The following LRP1B variants were observed in gnomAD, a reference collection of about 807,000 sequenced individuals.
LRP1B encodes the protein LDL receptor related protein 1B, also known as low-density lipoprotein receptor-related protein 1B.
A neutral mutation model predicts 556.6 loss-of-function variants in LRP1B; 217 were observed. The observed-to-expected ratio is 0.39, with a 90% CI of 0.35 to 0.44. The LOEUF (loss-of-function observed/expected upper bound fraction) is 0.44. Ranked by LOEUF, LRP1B falls within the 20% of genes least tolerant of loss-of-function variation. LRP1B has a pLI of 1.00. For synonymous variants in LRP1B, 2,047 were observed against 1,865.8 expected (o/e 1.10, Z -2.50); for missense variants, 5,053 against 5,620.8 (o/e 0.90, Z 3.23).
chr2:140,270,544 TCTG>T (rs1351859152), intron 85 of LRP1B, among the ~76,000 whole-genome samples, 198 bp from the exon 86 acceptor site: 4 of 151,910 alleles, frequency 2.6e-5, no homozygotes, highest in Non-Finnish European at 4.4e-5. Context: ...AAATTTTTCT[TCTG>T]ATAATTCTCA....
At chr2:141,299,285 G>A (rs1296969607) in intron 3 of LRP1B, among the ~76,000 whole-genome samples, 1 of 152,070 alleles carries the variant, frequency 6.6e-6, no homozygotes, top group Admixed American at 6.6e-5. Context: ...AACCTCTCAG[G>A]TTTCAATTTC....
intron 32 of LRP1B, among the ~76,000 whole-genome samples, chr2:140,788,948 G>T (rs543313691): frequency 5.7e-4 from 87 of 152,276 alleles, no homozygotes; most frequent in African/African-American, 1.9e-3. Context: ...ACAACAAAAA[G>T]GTGCCCATCT....
intron 1 of LRP1B, among the ~76,000 whole-genome samples, chr2:142,107,409 C>G (rs958533808): frequency 6.6e-6 from 1 of 152,040 alleles, no homozygotes; most frequent in Admixed American, 6.6e-5. Context: ...CCCTTCTGTC[C>G]TTTTTCTTTT....
intron 3 of LRP1B, among the ~76,000 whole-genome samples, chr2:141,388,111 A>C (rs952927688): frequency 3.9e-5 from 6 of 152,206 alleles, no homozygotes; most frequent in Non-Finnish European, 5.9e-5. Context: ...GATTGAGGAA[A>C]AGCACTTGTC....
At chr2:140,504,584 T>C (rs182831366) in intron 53 of LRP1B, among the ~76,000 whole-genome samples, 13 of 152,302 alleles carry the variant, frequency 8.5e-5, no homozygotes, top group Non-Finnish European at 1.5e-4. Context: ...ATTGTCTGAT[T>C]AACACCTCAT....
At chr2:141,848,967 A>C (rs1183506949) in intron 1 of LRP1B, among the ~76,000 whole-genome samples, 1 of 151,624 alleles carries the variant, frequency 6.6e-6, no homozygotes. Context: ...GATTATCATC[A>C]GATAAATTCT....
intron 1 of LRP1B, among the ~76,000 whole-genome samples, chr2:141,959,913 G>A (rs965217992): frequency 9.2e-5 from 14 of 151,936 alleles, no homozygotes; most frequent in Admixed American, 3.9e-4. Flanking sequence ...AAGACAGGTA[G>A]TCATCAACTA....
chr2:141,612,706 G>A (rs756778497), intron 2 of LRP1B, among the ~76,000 whole-genome samples: 3 of 152,216 alleles, frequency 2.0e-5, no homozygotes, highest in Non-Finnish European at 2.9e-5. Context: ...AACCACTGGA[G>A]AGTACTATAG....
intron 2 of LRP1B, among the ~76,000 whole-genome samples, chr2:141,681,123 C>A (rs1229648992): frequency 6.6e-6 from 1 of 151,964 alleles, no homozygotes; most frequent in Non-Finnish European, 1.5e-5. Flanking sequence ...GAAACCCTGT[C>A]TCAACAAAAA....
chr2:142,053,344 C>A (rs1704538967), intron 1 of LRP1B, among the ~76,000 whole-genome samples: 1 of 150,848 alleles, frequency 6.6e-6, no homozygotes, highest in Non-Finnish European at 1.5e-5. Flanking sequence ...TTCTTGTAGA[C>A]AGTCATTAGG....
At chr2:141,234,118 A>G (rs1415612008) in intron 5 of LRP1B, among the ~76,000 whole-genome samples, 4 of 152,134 alleles carry the variant, frequency 2.6e-5, no homozygotes, top group Non-Finnish European at 5.9e-5. Context: ...GTTGTAATCT[A>G]TACAACACAA....
intron 3 of LRP1B, among the ~76,000 whole-genome samples, chr2:141,477,755 C>T (rs1176146821): frequency 1.3e-5 from 2 of 151,920 alleles, no homozygotes; most frequent in African/African-American, 4.8e-5. Context: ...ATGTAGTGTG[C>T]AAGGCCAGAA....
chr2:141,678,801 A>G (rs1022085153), intron 2 of LRP1B, among the ~76,000 whole-genome samples: 3 of 152,180 alleles, frequency 2.0e-5, no homozygotes, highest in African/African-American at 7.2e-5. Context: ...GAAAAATGTG[A>G]CAGTGATACA....
At chr2:142,036,576 G>A (rs1703888895) in intron 1 of LRP1B, among the ~76,000 whole-genome samples, 1 of 151,436 alleles carries the variant, frequency 6.6e-6, no homozygotes, top group Non-Finnish European at 1.5e-5. Context: ...CATTATCTAA[G>A]AAAAATTTAG....
intron 25 of LRP1B, among the ~76,000 whole-genome samples, chr2:140,882,451 A>G (rs1693504046): frequency 6.6e-6 from 1 of 152,218 alleles, no homozygotes; most frequent in South Asian, 2.1e-4. Context: ...AACAGCTACT[A>G]CTCAGCTAGT....
intron 2 of LRP1B, among the ~76,000 whole-genome samples, chr2:141,609,941 A>C (rs1489175577): frequency 6.6e-6 from 1 of 152,272 alleles, no homozygotes; most frequent in Non-Finnish European, 1.5e-5. Flanking sequence ...ATAACAGTAC[A>C]GTACTAAAAT....
chr2:140,576,134 C>T (rs1383930633), intron 43 of LRP1B, among the ~76,000 whole-genome samples: 1 of 152,034 alleles, frequency 6.6e-6, no homozygotes, highest in Non-Finnish European at 1.5e-5. Context: ...GAAATGCTTC[C>T]ATCATATTAT....
chr2:140,247,216 AGTCAGCTAAT>A lies in LRP1B; in HGVS notation c.13248-64_13248-55del. The A allele has an allele frequency of 3.1e-6, 4 of 1,278,028 alleles. No individual in the cohort carries two copies. In the South Asian group the frequency reaches 3.6e-5, roughly 11 times the overall value. The allele number at this position is 1,278,028 out of a possible 1,614,324, so 79.2% of individuals were successfully genotyped here. ...AGATCAGCGAATAACAAAGCCCAGA[AGTCAGCTAAT>A]GTAGTAACTTTAACCAAATGAAAGG... On this transcript the variant is annotated intron_variant, in intron 86 of 90. Coordinates refer to ENST00000389484, the MANE Select transcript of LRP1B (RefSeq NM_018557.3).
At chr2:140,281,956 C>T (rs1307212523) in intron 84 of LRP1B, among the ~76,000 whole-genome samples, 1 of 151,248 alleles carries the variant, frequency 6.6e-6, no homozygotes, top group Non-Finnish European at 1.5e-5. Context: ...ATTTTATAAA[C>T]TTTTGATGAA....
Sources: allele counts gnomAD v4.1 joint callset (sites outside exome capture counted in the v4.1 genomes callset), GRCh38; gene constraint gnomAD v4.1.1; transcripts MANE v1.5; gene names NCBI Gene and HGNC (gene_info 2026-07-23, HGNC 2026-07-21).